The following ERH variants were observed in gnomAD, a reference collection of about 807,000 sequenced individuals.
ERH encodes the protein ERH mRNA splicing and mitosis factor.
Under a neutral mutation model 16.8 loss-of-function variants are expected in ERH, and 1 was observed. The ratio of observed to expected loss-of-function variants is 0.06; its 90% CI spans 0.02 to 0.28. The LOEUF (loss-of-function observed/expected upper bound fraction) is 0.28, where lower values mean the gene tolerates loss of function less well. ERH is among the 10% of genes least tolerant of loss of function. The pLI, the probability that ERH is intolerant of heterozygous loss-of-function variation, is 1.00. For missense variants in ERH, 42 were observed against 127.5 expected, an observed-to-expected ratio of 0.33 and a Z score of 3.23; for synonymous variants, 43 against 43.6, an observed-to-expected ratio of 0.99 and a Z score of 0.05.
At chr14:69,383,800 T>C (rs1050822147) in intron 3 of ERH, among the ~76,000 whole-genome samples, 1 of 152,198 alleles carries the variant, frequency 6.6e-6, no homozygotes, top group Non-Finnish European at 1.5e-5. Context: ...ATATAGCAAA[T>C]ATTGTATTAA....
At chr14:69,397,913 CTA>C in intron 1 of ERH, 1 of 529,860 alleles carries the variant, frequency 1.9e-6, no homozygotes. Flanking sequence ...GTGAGACTCT[CTA>C]TCTCAAAAAA....
At chr14:69,398,056 C>G in intron 1 of ERH, 175 bp downstream of exon 1, 1 of 834,040 alleles carries the variant, frequency 1.2e-6, no homozygotes, top group Non-Finnish European at 1.9e-6. Flanking sequence ...GCTCCGAGGC[C>G]TAGAGTCAGG....
At chr14:69,385,843 C>T (rs1310892960) in intron 3 of ERH, among the ~76,000 whole-genome samples, 2 of 152,146 alleles carry the variant, frequency 1.3e-5, no homozygotes, top group Non-Finnish European at 2.9e-5. Flanking sequence ...TCTGTCCTAT[C>T]AATGATATGA....
intron 1 of ERH, chr14:69,397,936 C>T (rs1882400482): frequency 3.5e-6 from 2 of 569,528 alleles, no homozygotes; most frequent in South Asian, 4.1e-5. Flanking sequence ...CAAAACACCT[C>T]CCCCACGTCT....
chr14:69,392,410 G>T (rs1474255092), intron 2 of ERH, among the ~76,000 whole-genome samples: 2 of 152,094 alleles, frequency 1.3e-5, no homozygotes, highest in Admixed American at 6.6e-5. Context: ...AGTAAAAAAA[G>T]CCAGTTAAGA....
intron 2 of ERH, among the ~76,000 whole-genome samples, chr14:69,390,628 G>C (rs2045918886): frequency 6.6e-6 from 1 of 152,024 alleles, no homozygotes; most frequent in Non-Finnish European, 1.5e-5. Flanking sequence ...ATAAACCAAT[G>C]GTTTCTTAGA....
At chr14:69,394,287 TAAA>T (rs537218621) in intron 2 of ERH, among the ~76,000 whole-genome samples, 1 of 145,268 alleles carries the variant, frequency 6.9e-6, no homozygotes, top group African/African-American at 2.5e-5. Context: ...TACATTAGTT[TAAA>T]AAAAAAAAAC....
At chr14:69,387,452 T>C (rs1379275310) in intron 2 of ERH, among the ~76,000 whole-genome samples, 6 of 152,008 alleles carry the variant, frequency 3.9e-5, no homozygotes, top group Non-Finnish European at 8.8e-5. Flanking sequence ...CCCAGCTACC[T>C]GGGAAGCTGA....
At chr14:69,393,438 G>A (rs1322015163) in intron 2 of ERH, among the ~76,000 whole-genome samples, 3 of 152,182 alleles carry the variant, frequency 2.0e-5, no homozygotes, top group Non-Finnish European at 4.4e-5. Flanking sequence ...GAAATGTGGT[G>A]TATGAGAATG....
At chr14:69,386,711 C>A in intron 3 of ERH, 1 of 314,668 alleles carries the variant, frequency 3.2e-6, no homozygotes, top group Non-Finnish European at 5.7e-6. Flanking sequence ...AAAGAAGAGG[C>A]ACATGGAACT....
chr14:69,394,106 A>T (rs1390356513), intron 2 of ERH, among the ~76,000 whole-genome samples: 1 of 152,152 alleles, frequency 6.6e-6, no homozygotes, highest in Non-Finnish European at 1.5e-5. Context: ...TAAATCTATT[A>T]AAACAACCTA....
intron 2 of ERH, among the ~76,000 whole-genome samples, chr14:69,393,280 C>A (rs1482443629): frequency 6.6e-6 from 1 of 152,198 alleles, no homozygotes; most frequent in African/African-American, 2.4e-5. Context: ...TGCACCACTG[C>A]ACTCCAGCCT....
chr14:69,389,553 A>T (rs955816018), intron 2 of ERH, among the ~76,000 whole-genome samples: 1 of 152,228 alleles, frequency 6.6e-6, no homozygotes, highest in African/African-American at 2.4e-5. Flanking sequence ...AGGAAACAAT[A>T]AAAATCTATT....
At chr14:69,394,013 C>T (rs533286680) in intron 2 of ERH, among the ~76,000 whole-genome samples, 6 of 150,632 alleles carry the variant, frequency 4.0e-5, no homozygotes, top group Admixed American at 4.0e-4. Flanking sequence ...AGCAAGACCC[C>T]GTGTCTTAAG....
intron 3 of ERH, among the ~76,000 whole-genome samples, chr14:69,383,287 T>A (rs963729792): frequency 2.6e-5 from 4 of 152,260 alleles, no homozygotes; most frequent in Admixed American, 6.5e-5. Context: ...TGTTACAAAG[T>A]AGAATCTTAT....
chr14:69,385,000 A>G (rs1193794962), intron 3 of ERH, among the ~76,000 whole-genome samples: 1 of 152,100 alleles, frequency 6.6e-6, no homozygotes, highest in Admixed American at 6.6e-5. Flanking sequence ...TCATTCTCTG[A>G]TCACCACTTC....
chr14:69,398,085 G>T, intron 1 of ERH, 146 bp downstream of exon 1: 1 of 1,054,610 alleles, frequency 9.5e-7, no homozygotes, highest in Non-Finnish European at 1.4e-6. Context: ...CCCTGCGGCG[G>T]GAAGAAGGGT....
At chr14:69,395,352 CT>C (rs2140234822) in intron 1 of ERH, among the ~76,000 whole-genome samples, 1 of 152,242 alleles carries the variant, frequency 6.6e-6, no homozygotes, top group South Asian at 2.1e-4. Flanking sequence ...ATGTCTTAGT[CT>C]AAGTATAGTA....
At chr14:69,395,988 C>T (rs1882323652) in intron 1 of ERH, among the ~76,000 whole-genome samples, 1 of 152,174 alleles carries the variant, frequency 6.6e-6, no homozygotes, top group Non-Finnish European at 1.5e-5. Context: ...GGCTCTATTA[C>T]CTTTTGGGTT....
Sources: gnomAD v4.1 joint callset for allele counts (sites outside exome capture counted in the v4.1 genomes callset) on GRCh38, gnomAD v4.1.1 for gene constraint, MANE v1.5 for transcripts, NCBI Gene and HGNC (gene_info 2026-07-23, HGNC 2026-07-21) for gene names.